The following CHD9 variants were observed in gnomAD, a reference collection of about 807,000 sequenced individuals.
The protein encoded by CHD9 is chromodomain helicase DNA binding protein 9.
CHD9 carries 77 observed loss-of-function variants against 316.1 expected under a neutral mutation model. The observed-to-expected ratio is 0.24, with a 90% CI of 0.20 to 0.29. The LOEUF (loss-of-function observed/expected upper bound fraction) is 0.29, where lower values mean the gene tolerates loss of function less well. CHD9 is among the 10% of genes least tolerant of loss of function. The pLI, the probability that CHD9 is intolerant of heterozygous loss-of-function variation, is 1.00. For missense variants in CHD9, 2,763 were observed against 3,438.1 expected (o/e 0.80, Z 4.91); for synonymous variants, 1,129 against 1,158.3 (o/e 0.97, Z 0.51).
chr16:53,142,835 C>T (rs570508435), intron 1 of CHD9, among the ~76,000 whole-genome samples: 1 of 152,274 alleles, frequency 6.6e-6, no homozygotes, highest in African/African-American at 2.4e-5. Context: ...TTAATTTATA[C>T]AGAAAAGACA....
In CHD9 at chr16:53,157,305, C is replaced by T. The variant is rs924945524; in HGVS notation, c.1216C>T (p.Pro406Ser). 2 of 1,612,334 alleles carry T rather than the reference C, an allele frequency of 1.2e-6. No individual in the cohort carries two copies. The highest frequency in any genetic ancestry group is 1.7e-6 in the Non-Finnish European group (2 of 1,179,082). Residue 406 changes from proline (P) to serine (S), a missense_variant, in exon 2 of 39, where the codon CCC becomes TCC. Pro to Ser is a moderately conservative substitution (Grantham distance 74). Around this residue, in one of 15 missense-constraint regions of CHD9, gnomAD observed 859 missense variants for 890.4 expected, o/e 0.96. Coordinates refer to ENST00000447540, the MANE Select transcript of CHD9 (RefSeq NM_001308319.2). ...SQTEPFTGLDPEDLLQEGLLP... is the reference protein window; with the variant it reads ...SQTEPFTGLDSEDLLQEGLLP... ...AACTGAGCCATTCACAGGACTTGAC[C>T]CCGAGGACCTCCTTCAGGAGGGTCT...
intron 2 of CHD9, among the ~76,000 whole-genome samples, chr16:53,184,586 C>G (rs774311869): frequency 9.2e-5 from 14 of 152,088 alleles, no homozygotes; most frequent in Non-Finnish European, 1.5e-4. Context: ...CTCAAGTGAT[C>G]CTCCCACCTC....
At chr16:53,057,350 TA>T (rs908517146) in intron 1 of CHD9, among the ~76,000 whole-genome samples, 100 of 140,926 alleles carry the variant, frequency 7.1e-4, no homozygotes, top group Middle Eastern at 3.6e-3. Context: ...TTGGCTCATT[TA>T]AAAAAAAAAA....
intron 24 of CHD9, among the ~76,000 whole-genome samples, chr16:53,276,750 A>T (rs1174254577): frequency 6.6e-6 from 1 of 152,148 alleles, no homozygotes; most frequent in South Asian, 2.1e-4. Context: ...ATGCCTTAAT[A>T]TCAGTCACTT....
At chr16:53,103,816 A>C (rs539816761) in intron 1 of CHD9, among the ~76,000 whole-genome samples, 125 of 152,354 alleles carry the variant, frequency 8.2e-4, no homozygotes, top group African/African-American at 2.8e-3. Flanking sequence ...CCTTTTGGTC[A>C]TCACAACAGC....
Position 53,284,642 on chromosome 16 carries a change from GT to G in CHD9, c.4968-952del, listed in dbSNP as rs200084838. 4.3e-3 allele frequency among the ~76,000 whole-genome samples: 653 copies of G among 152,192 alleles called. 3 individuals are homozygous for G. The highest frequency in any genetic ancestry group is 0.014 in the African/African-American group (583 of 41,540). ...AAATTGCCCATTCTAGTAGTTATTTGTTACTTATAAAATCAGTCAATCTACA... is the reference window on the plus strand; with the variant it reads ...AAATTGCCCATTCTAGTAGTTATTTGTACTTATAAAATCAGTCAATCTACA... On this transcript the variant is annotated intron_variant, in intron 24 of 38. Transcript: ENST00000447540.
chr16:53,056,436 A>G (rs1596822996), intron 1 of CHD9, among the ~76,000 whole-genome samples: 1 of 152,228 alleles, frequency 6.6e-6, no homozygotes, highest in East Asian at 1.9e-4. Flanking sequence ...CCTGACCATA[A>G]CTTCCACGGT....
intron 3 of CHD9, among the ~76,000 whole-genome samples, chr16:53,217,411 G>A (rs56873583): frequency 0.032 from 4,930 of 152,122 alleles, 99 homozygotes; most frequent in Middle Eastern, 0.071. Flanking sequence ...GTGCCATCAC[G>A]CCTAGCTGAT....
In CHD9 at chr16:53,304,573, TTCA is replaced by T; in HGVS notation, c.6570_6572del (p.Ser2193del). On this transcript the variant is annotated inframe_deletion, in exon 31 of 39. Coordinates refer to ENST00000447540, the MANE Select transcript of CHD9 (RefSeq NM_001308319.2). ...CCACCTCTTCCTCCTCCTCCTCCTC[TTCA>T]TCTTCATCAGAAGAAAGTGACAGTG... 1 of 1,546,878 alleles carries T rather than the reference TTCA, an allele frequency of 6.5e-7. No homozygotes were observed. The highest frequency in any genetic ancestry group is 8.7e-7 in the Non-Finnish European group (1 of 1,143,156).
In CHD9 at chr16:53,306,309, A is replaced by G; in HGVS notation, c.6692A>G (p.Gln2231Arg). 2 of 1,611,280 alleles carry G rather than the reference A, an allele frequency of 1.2e-6. No homozygotes were observed. The highest frequency in any genetic ancestry group is 1.7e-5 in the Admixed American group (1 of 59,608). ...ASLSTTQDET[Q>R]DSFQMNNGTP... ...CTGAGCACTACCCAGGATGAGACTC[A>G]GGATAGTTTTCAGATGAACAATGGG... Residue 2231 changes from glutamine to arginine, a missense_variant, in exon 32 of 39, where the codon CAG (glutamine) becomes CGG (arginine). Physicochemically the swap from Gln to Arg is conservative, Grantham distance 43. Transcript: ENST00000447540.
chr16:53,303,901 T>G lies in CHD9; in HGVS notation c.5895T>G (p.Pro1965=). 1.2e-6 allele frequency: 2 copies of G among 1,614,030 alleles called. No homozygotes were observed. Among genetic ancestry groups the G allele is most frequent in the Non-Finnish European group, 1.7e-6 (2 of 1,179,894 alleles). ...PDLPVWWECG[P]HDRDLLIGAA... ...TACCAGTCTGGTGGGAATGTGGCCC[T>G]CATGATAGGGATTTGCTTATTGGTG... The change falls in exon 31 of 39, where the codon CCT becomes CCG. Residue 1965 remains proline (P), a synonymous_variant. Coordinates refer to ENST00000447540, the MANE Select transcript of CHD9 (RefSeq NM_001308319.2).
intron 2 of CHD9, among the ~76,000 whole-genome samples, chr16:53,198,517 G>C (rs1182135101): frequency 6.6e-6 from 1 of 151,388 alleles, no homozygotes; most frequent in Non-Finnish European, 1.5e-5. Context: ...TAGTAGAGAT[G>C]GGGTTTCACT....
intron 28 of CHD9, among the ~76,000 whole-genome samples, chr16:53,292,425 G>T (rs1001675922): frequency 2.5e-4 from 38 of 152,278 alleles, no homozygotes; most frequent in African/African-American, 9.1e-4. Flanking sequence ...TTTCTTCCCA[G>T]TGACTTAAAA....
chr16:53,058,465 T>C (rs2032434811), intron 1 of CHD9, among the ~76,000 whole-genome samples: 1 of 152,096 alleles, frequency 6.6e-6, no homozygotes, highest in Non-Finnish European at 1.5e-5. Flanking sequence ...AGGTTATGCA[T>C]TGATCTGCCA....
At chr16:53,221,475 C>T (rs987032595) in intron 3 of CHD9, among the ~76,000 whole-genome samples, 1 of 152,088 alleles carries the variant, frequency 6.6e-6, no homozygotes, top group Non-Finnish European at 1.5e-5. Flanking sequence ...TTTTATAATA[C>T]AGATATTTAA....
intron 10 of CHD9, among the ~76,000 whole-genome samples, chr16:53,233,022 A>G (rs1393206107): frequency 2.0e-5 from 3 of 152,202 alleles, no homozygotes; most frequent in Non-Finnish European, 4.4e-5. Context: ...CCGACCAGCA[A>G]GCAGTCAGTT....
intron 2 of CHD9, among the ~76,000 whole-genome samples, chr16:53,190,207 G>C (rs1265434405): frequency 6.6e-6 from 1 of 152,118 alleles, no homozygotes; most frequent in Non-Finnish European, 1.5e-5. Context: ...CCAGATGGTA[G>C]AGGTGGGTGG....
chr16:53,094,041 A>G (rs931508047), intron 1 of CHD9, among the ~76,000 whole-genome samples: 1 of 152,172 alleles, frequency 6.6e-6, no homozygotes, highest in Admixed American at 6.5e-5. Context: ...TCTTAAGGAA[A>G]AAGTGCTTGC....
chr16:53,315,935 A>G (rs2056848857), intron 36 of CHD9, among the ~76,000 whole-genome samples: 1 of 152,078 alleles, frequency 6.6e-6, no homozygotes, highest in East Asian at 1.9e-4. Flanking sequence ...CAGATGCACA[A>G]TGAGTTTATT....
Sources: gnomAD v4.1 joint callset for allele counts (sites outside exome capture counted in the v4.1 genomes callset) on GRCh38, gnomAD v4.1.1 for gene constraint, gnomAD v4.1.1 regional missense constraint, MANE v1.5 for transcripts, NCBI Gene and HGNC (gene_info 2026-07-23, HGNC 2026-07-21) for gene names.